CTBP2: variants seen among roughly 807,000 people sequenced by gnomAD.
CTBP2 encodes the protein C-terminal binding protein 2, also known as C-terminal-binding protein 2.
Under a neutral mutation model 80.3 loss-of-function variants are expected in CTBP2, and 30 were observed. The ratio of observed to expected loss-of-function variants is 0.37; its 90% CI spans 0.28 to 0.51. The LOEUF (loss-of-function observed/expected upper bound fraction) is 0.51. Among genes scored for constraint, CTBP2 ranks in the 20% least tolerant of loss-of-function variants. The pLI is 0.93. For synonymous variants in CTBP2, 594 were observed against 587.4 expected (o/e 1.01, Z -0.16); for missense variants, 1,212 against 1,375.3 (o/e 0.88, Z 1.88).
intron 3 of CTBP2, 93 bp from the exon 6 acceptor site, chr10:124,998,263 T>G (rs1953929075): frequency 8.7e-4 from 1,219 of 1,406,814 alleles, no homozygotes; most frequent in Non-Finnish European, 1.1e-3. Context: ...GAGACTCGGT[T>G]GTTGGCACCG....
At chr10:125,070,790 C>T (rs138423832) in intron 2 of CTBP2, among the ~76,000 whole-genome samples, 2,543 of 151,946 alleles carry the variant, frequency 0.017, 57 homozygotes, top group African/African-American at 0.056. Context: ...CTCAGCCTCC[C>T]AAGTTGCTGG....
chr10:125,040,459 A>C (rs1176224307), intron 2 of CTBP2, among the ~76,000 whole-genome samples: 1 of 145,144 alleles, frequency 6.9e-6, no homozygotes, highest in African/African-American at 2.6e-5. Flanking sequence ...GTCTTTAAAA[A>C]AAAAAAAAAA....
Position 124,986,023 on chromosome 10 carries a change from A to G in CTBP2, c.*3495T>C, listed in dbSNP as rs974439849. ...TGCAATAAGGTGGCAAATGCATTGT[A>G]TGAAGAATTTCTCAGTGTTTAGTCT... On this transcript the variant is annotated 3_prime_UTR_variant, in exon 9 of 9. Transcript: ENST00000309035. 8 of 152,526 alleles carry G rather than the reference A, an allele frequency of 5.2e-5. No homozygotes were observed. The highest frequency in any genetic ancestry group is 9.6e-5 in the African/African-American group (4 of 41,458). 9.4% of individuals were successfully genotyped at this position (152,526 alleles called of 1,614,324 possible).
intron 1 of CTBP2, among the ~76,000 whole-genome samples, chr10:125,022,006 G>A (rs879559453): frequency 5.9e-5 from 9 of 152,220 alleles, no homozygotes; most frequent in Admixed American, 1.3e-4. Flanking sequence ...TACTACGCAG[G>A]CATAGATTAC....
chr10:124,997,935 T>TG, intron 4 of CTBP2, 29 bp downstream of exon 6: 1 of 1,595,048 alleles, frequency 6.3e-7, no homozygotes, highest in South Asian at 1.1e-5. Context: ...TCGGAGGGGT[T>TG]GGGGGTCAGC....
chr10:125,070,484 A>G (rs1845300355), intron 2 of CTBP2, among the ~76,000 whole-genome samples: 1 of 151,832 alleles, frequency 6.6e-6, no homozygotes, highest in African/African-American at 2.4e-5. Context: ...TTGAGTCCAG[A>G]AACTACAGAC....
intron 2 of CTBP2, among the ~76,000 whole-genome samples, chr10:125,095,576 C>T (rs528820638): frequency 6.6e-6 from 1 of 152,304 alleles, no homozygotes; most frequent in South Asian, 2.1e-4. Context: ...TCTGAGGACG[C>T]TAGTCCTTCT....
chr10:125,009,957 C>T (rs964065020), intron 1 of CTBP2, among the ~76,000 whole-genome samples: 1 of 152,154 alleles, frequency 6.6e-6, no homozygotes, highest in African/African-American at 2.4e-5. Flanking sequence ...GGGATCTAAA[C>T]AACAACAAAT....
chr10:125,029,105 C>T (rs1251450223), upstream of CTBP2, among the ~76,000 whole-genome samples: 1 of 152,322 alleles, frequency 6.6e-6, no homozygotes, highest in East Asian at 1.9e-4. Flanking sequence ...ATTGAAAGCA[C>T]TTTAAAATGA....
chr10:125,047,438 G>A (rs1286831339), intron 2 of CTBP2, among the ~76,000 whole-genome samples: 1 of 152,236 alleles, frequency 6.6e-6, no homozygotes, highest in Middle Eastern at 3.2e-3. Context: ...ATTCCAGAAT[G>A]TTTATATCTG....
At chr10:125,128,238 A>G (rs1415957819) in intron 1 of CTBP2, among the ~76,000 whole-genome samples, 1 of 152,204 alleles carries the variant, frequency 6.6e-6, no homozygotes, top group African/African-American at 2.4e-5. Flanking sequence ...GTAGGCTCCA[A>G]AAGTCCACTT....
At chr10:125,021,737 A>G (rs1957057341) in intron 1 of CTBP2, among the ~76,000 whole-genome samples, 1 of 152,212 alleles carries the variant, frequency 6.6e-6, no homozygotes, top group Non-Finnish European at 1.5e-5. Context: ...TGACTTGCCC[A>G]GGGGCACACT....
Position 124,984,991 on chromosome 10 carries a change from G to GAA in CTBP2, c.*4525_*4526dup, listed in dbSNP as rs535580590. On this transcript the variant is annotated 3_prime_UTR_variant, in exon 9 of 9. Coordinates refer to ENST00000309035, the MANE Select transcript of CTBP2 (RefSeq NM_022802.3). ...GAAGATGAGGATGATGAAGATGAAT[G>GAA]AAAAAAAAAATCAAACAGCAGAAGA... 2.0e-4 allele frequency: 303 copies of GAA among 1,520,912 alleles called. No individual in the cohort carries two copies. Among genetic ancestry groups the GAA allele is most frequent in the Admixed American group, 5.1e-4 (27 of 53,040 alleles). 94.2% of individuals were successfully genotyped at this position (1,520,912 alleles called of 1,614,324 possible). A position where few individuals can be genotyped will look rare whatever the true frequency, so the allele number is the denominator to read the frequency against.
At chr10:125,142,614 A>G (rs1858028910) in intron 1 of CTBP2, among the ~76,000 whole-genome samples, 1 of 152,228 alleles carries the variant, frequency 6.6e-6, no homozygotes, top group Non-Finnish European at 1.5e-5. Flanking sequence ...TTTACTGTAT[A>G]TAAGTTATTT....
At position 125,027,021 on chromosome 10, in the gene CTBP2, C is replaced by G. The variant is rs775225280; in HGVS notation, c.739G>C (p.Gly247Arg). ...CGATTCAGGGCCCCTGGGGCCACCC[C>G]TGTGCTGCCTTCGGGGGCAGCAGCT... Residue 247 changes from glycine (G) to arginine (R), a missense_variant, in exon 1 of 9, where the codon GGG becomes CGG. Around this residue, in one of 3 missense-constraint regions of CTBP2, gnomAD observed 848 missense variants for 782.3 expected, o/e 1.08. Transcript: ENST00000309035. The G allele has an allele frequency of 6.2e-7, 1 of 1,613,938 alleles. No homozygotes were observed. The highest frequency in any genetic ancestry group is 1.1e-5 in the South Asian group (1 of 91,092).
chr10:125,139,112 C>A (rs2133236698), intron 1 of CTBP2, among the ~76,000 whole-genome samples: 1 of 152,312 alleles, frequency 6.6e-6, no homozygotes, highest in Non-Finnish European at 1.5e-5. Flanking sequence ...TGGCTCACGC[C>A]TGTAATCCCA....
chr10:125,150,931 G>A (rs1218644592), intron 1 of CTBP2, among the ~76,000 whole-genome samples: 1 of 150,256 alleles, frequency 6.7e-6, no homozygotes, highest in Non-Finnish European at 1.5e-5. Context: ...GAAAAGGCCA[G>A]ACACCTGCCT....
Position 124,993,321 on chromosome 10 carries a change from T to C in CTBP2, c.2540A>G (p.Gln847Arg), listed in dbSNP as rs913115245. 1 of 1,607,182 alleles carries C rather than the reference T, an allele frequency of 6.2e-7. No individual in the cohort carries two copies. Among genetic ancestry groups the C allele is most frequent in the Non-Finnish European group, 8.5e-7 (1 of 1,174,346 alleles). Residue 847 changes from glutamine to arginine, a missense_variant, in exon 7 of 9, where the codon CAG (glutamine) becomes CGG (arginine). Gln to Arg is a conservative substitution (Grantham distance 43, BLOSUM62 1). Coordinates refer to ENST00000309035, the MANE Select transcript of CTBP2 (RefSeq NM_022802.3). ...ATTCGGGGCATCTTTCAACGGACCC[T>C]GAGCAAAGCTAGAAAAATGTAGAAA...
At chr10:125,046,865 A>G (rs1443801341) in intron 2 of CTBP2, among the ~76,000 whole-genome samples, 1 of 152,266 alleles carries the variant, frequency 6.6e-6, no homozygotes, top group Non-Finnish European at 1.5e-5. Flanking sequence ...AAGGGTTGTT[A>G]GCACACGAAA....
Sources: gnomAD v4.1 joint callset for allele counts (sites outside exome capture counted in the v4.1 genomes callset) on GRCh38, gnomAD v4.1.1 for gene constraint, gnomAD v4.1.1 regional missense constraint, MANE v1.5 for transcripts, NCBI Gene and HGNC (gene_info 2026-07-23, HGNC 2026-07-21) for gene names.